RTKN: variants seen among roughly 807,000 people sequenced by gnomAD.
RTKN encodes rhotekin.
A neutral mutation model predicts 63.5 loss-of-function variants in RTKN; 49 were observed. That is an observed-to-expected ratio of 0.77 (90% CI 0.61 to 0.98). The LOEUF (loss-of-function observed/expected upper bound fraction) is 0.98. Ranked by LOEUF, RTKN falls within the 50% of genes least tolerant of loss-of-function variation. The probability of loss-of-function intolerance (pLI) is 0.00; values close to 1 mark genes in which losing one functional copy is unlikely to be tolerated. For missense variants in RTKN, 685 were observed against 740.8 expected (o/e 0.92, Z 0.87); for synonymous variants, 295 against 290.4 (o/e 1.02, Z -0.16).
rs577726373 is a variant in RTKN at position 74,430,648 on chromosome 2, C to A, written c.341G>T (p.Arg114Leu). The A allele has an allele frequency of 2.5e-6, 4 of 1,613,238 alleles. No individual in the cohort carries two copies. The highest frequency in any genetic ancestry group is 3.4e-6 in the Non-Finnish European group (4 of 1,179,924). The stretch of plus-strand genomic sequence containing the variant: ...GCAGACCCGGCCGCGGCAGGGGGAG[C>A]GCTCAGCGGGCGGGCCACTGTCAGA... ...RPSDSGPPAE[R>L]SPCRGRVCIS... Residue 114 changes from arginine (R) to leucine (L), a missense_variant, in exon 3 of 12, where the codon CGC becomes CTC. By Grantham distance (102) the Arg-to-Leu change is moderately radical. Coordinates refer to ENST00000272430, the MANE Select transcript of RTKN (RefSeq NM_001015055.2).
chr2:74,437,302 C>T (rs1671115906), intron 1 of RTKN, among the ~76,000 whole-genome samples: 1 of 152,204 alleles, frequency 6.6e-6, no homozygotes, highest in Non-Finnish European at 1.5e-5. Flanking sequence ...CAACTTGAGT[C>T]ACTTCCTCCA....
chr2:74,428,252 C>G lies in RTKN; in HGVS notation c.1086+16G>C. 1.9e-6 allele frequency: 3 copies of G among 1,614,134 alleles called. No individual in the cohort carries two copies. The highest frequency in any genetic ancestry group is 2.5e-6 in the Non-Finnish European group (3 of 1,180,006). Reference sequence around the variant, plus strand: ...GCCTGTGCCCTTGGTGGCCTTACTACCAAGGGACCCATCACCTTGTTGACA... The same window carrying G: ...GCCTGTGCCCTTGGTGGCCTTACTAGCAAGGGACCCATCACCTTGTTGACA... On this transcript the variant is annotated intron_variant, in intron 9 of 11. Transcript: ENST00000272430.
intron 2 of RTKN, 145 bp from the exon 3 acceptor site, chr2:74,430,822 A>C: frequency 1.3e-6 from 1 of 750,882 alleles, no homozygotes; most frequent in Non-Finnish European, 2.1e-6. Flanking sequence ...GAGGGACTAT[A>C]AGGGAAAGTT....
intron 1 of RTKN, chr2:74,440,518 G>A (rs1671307799): frequency 2.0e-6 from 2 of 986,490 alleles, no homozygotes; most frequent in Non-Finnish European, 2.4e-6. Context: ...CCAGGCCCAC[G>A]GAGTCACACT....
At chr2:74,441,659 G>GC (rs1237839038) in intron 1 of RTKN, 47 bp downstream of exon 1, 2 of 1,405,080 alleles carry the variant, frequency 1.4e-6, no homozygotes, top group Non-Finnish European at 9.9e-7. Context: ...GGCTGGGGCT[G>GC]CCCCCGGGAG....
rs1015477828 is a variant in RTKN at position 74,440,313 on chromosome 2, G to T, written c.111+1393C>A. ...CCTAGGGCCACCCCTTCCAACTCAG[G>T]GCCCCCATCCAGCCCGCTCCACCCT... On this transcript the variant is annotated intron_variant, in intron 1 of 11. Coordinates refer to ENST00000272430, the MANE Select transcript of RTKN (RefSeq NM_001015055.2). 1.0e-5 allele frequency: 10 copies of T among 973,368 alleles called. No homozygotes were observed. The African/African-American group carries it at 1.6e-4, about 15-fold the overall frequency. The allele number at this position is 973,368 out of a possible 1,614,324, so 60.3% of individuals were successfully genotyped here.
intron 1 of RTKN, among the ~76,000 whole-genome samples, chr2:74,437,087 T>G (rs1174039995): frequency 6.6e-6 from 1 of 152,130 alleles, no homozygotes; most frequent in Non-Finnish European, 1.5e-5. Context: ...CTCACTACCC[T>G]TTTTTCCCTT....
Position 74,432,607 on chromosome 2 carries a change from C to T in RTKN, c.171G>A (p.Lys57=). 6.2e-7 allele frequency: 1 copy of T among 1,614,182 alleles called. No homozygotes were observed. The change falls in exon 2 of 12, where the codon AAG becomes AAA. Residue 57 remains lysine, a synonymous_variant. Coordinates refer to ENST00000272430, the MANE Select transcript of RTKN (RefSeq NM_001015055.2). ...HEIRMREGAC[K]LLAACSQREQ... ...CTCGCTGGGAGCAGGCTGCCAGCAG[C>T]TTACAGGCCCCTTCCCTCATCCGGA...
In RTKN at chr2:74,428,287, A is replaced by C. The variant is rs574833945; in HGVS notation, c.1067T>G (p.Leu356Arg). The C allele has an allele frequency of 1.9e-6, 3 of 1,614,158 alleles. No individual in the cohort carries two copies. Among genetic ancestry groups the C allele is most frequent in the African/African-American group, 2.7e-5 (2 of 75,032 alleles). Residue 356 changes from leucine to arginine, a missense_variant, in exon 9 of 12, where the codon CTT becomes CGT. Coordinates refer to ENST00000272430, the MANE Select transcript of RTKN (RefSeq NM_001015055.2). ...CATCACCTTGTTGACAGCAATAGTAAGCAGCGGCTCTTCCCCAGTGTCTGC... is the reference window on the plus strand; with the variant it reads ...CATCACCTTGTTGACAGCAATAGTACGCAGCGGCTCTTCCCCAGTGTCTGC... ...EDADTGEEPL[L>R]TIAVNKETRV...
intron 9 of RTKN, 199 bp downstream of exon 9, chr2:74,428,069 A>G (rs889124454): frequency 1.4e-5 from 9 of 641,144 alleles, no homozygotes; most frequent in Non-Finnish European, 2.4e-5. Context: ...GGGACTGAGG[A>G]TGGCAAGTGA....
chr2:74,428,122 A>G (rs759580591), intron 9 of RTKN, 146 bp downstream of exon 9: 18 of 977,286 alleles, frequency 1.8e-5, no homozygotes, highest in East Asian at 2.5e-5. Flanking sequence ...TGGGGAAAAT[A>G]CGGGCCCCTG....
intron 2 of RTKN, 178 bp from the exon 3 acceptor site, chr2:74,430,855 C>A (rs1670710062): frequency 4.8e-6 from 3 of 626,618 alleles, no homozygotes; most frequent in Non-Finnish European, 8.3e-6. Flanking sequence ...CAGCAGTTTG[C>A]CAGGCTTGGG....
intron 8 of RTKN, 58 bp downstream of exon 8, chr2:74,428,573 T>A: frequency 6.4e-7 from 1 of 1,551,268 alleles, no homozygotes; most frequent in Non-Finnish European, 8.8e-7. Flanking sequence ...CTATTCCTGG[T>A]TATCCAGCTC....
chr2:74,441,684 G>A (rs748052383), intron 1 of RTKN, 22 bp downstream of exon 1: 1 of 1,577,364 alleles, frequency 6.3e-7, no homozygotes, highest in Non-Finnish European at 8.7e-7. Context: ...GGAAGGGGAA[G>A]GCAGGGACGC....
At chr2:74,437,200 A>G (rs1432718385) in intron 1 of RTKN, among the ~76,000 whole-genome samples, 1 of 151,732 alleles carries the variant, frequency 6.6e-6, no homozygotes, top group African/African-American at 2.4e-5. Flanking sequence ...GGAGTATTCC[A>G]CCTCCTTCGT....
At chr2:74,434,568 C>T (rs914767375) in intron 1 of RTKN, among the ~76,000 whole-genome samples, 4 of 152,092 alleles carry the variant, frequency 2.6e-5, no homozygotes, top group African/African-American at 4.8e-5. Flanking sequence ...GTGTGAGACA[C>T]CATGCCTGGC....
chr2:74,440,941 T>A (rs1379041880), intron 1 of RTKN, among the ~76,000 whole-genome samples: 3 of 152,212 alleles, frequency 2.0e-5, no homozygotes, highest in African/African-American at 7.2e-5. Context: ...GGGCTCTCCT[T>A]GGGCGAGTGT....
chr2:74,440,352 C>T (rs1671296393), intron 1 of RTKN: 1 of 986,160 alleles, frequency 1.0e-6, no homozygotes, highest in Non-Finnish European at 1.2e-6. Context: ...CTCACAATTA[C>T]CTCGCTTTTC....
intron 2 of RTKN, chr2:74,431,628 G>T (rs1258855184): frequency 1.3e-5 from 2 of 152,348 alleles, no homozygotes; most frequent in Non-Finnish European, 2.9e-5. Context: ...CCTTCCTCTA[G>T]CTTCATGGGA....
Sources: gnomAD v4.1 joint callset for allele counts (sites outside exome capture counted in the v4.1 genomes callset) on GRCh38, gnomAD v4.1.1 for gene constraint, MANE v1.5 for transcripts, NCBI Gene and HGNC (gene_info 2026-07-23, HGNC 2026-07-21) for gene names.